The following MIS18A variants were observed in gnomAD, a reference collection of about 807,000 sequenced individuals.
MIS18A encodes the protein MIS18 kinetochore protein A, also known as protein Mis18-alpha.
In MIS18A, 14 loss-of-function variants were observed where a neutral mutation model predicts 25.0. That is an observed-to-expected ratio of 0.56 (90% confidence interval 0.37 to 0.88). The LOEUF (loss-of-function observed/expected upper bound fraction) is 0.88, where lower values mean the gene tolerates loss of function less well. Among genes scored for constraint, MIS18A ranks in the 40% least tolerant of loss-of-function variants. MIS18A has a pLI of 0.00. For missense variants in MIS18A, 292 were observed against 290.8 expected (o/e 1.00, Z -0.03); for synonymous variants, 134 against 118.6 (o/e 1.13, Z -0.84).
chr21:32,226,277 T>C, the MIS18A span, among the ~76,000 whole-genome samples: 3 of 111,512 alleles, frequency 2.7e-5, no homozygotes, highest in Non-Finnish European at 5.3e-5. Context: ...ACTTAAAGTA[T>C]AATAAAAAAA....
chr21:32,266,305 C>T (rs893673767), downstream of MIS18A, among the ~76,000 whole-genome samples: 15 of 152,298 alleles, frequency 9.8e-5, no homozygotes, highest in African/African-American at 1.7e-4. Context: ...CACCAATCAG[C>T]GCCCTGACAA....
At chr21:32,205,209 A>G in the MIS18A span, among the ~76,000 whole-genome samples, 2 of 128,400 alleles carry the variant, frequency 1.6e-5, no homozygotes, top group East Asian at 5.2e-4. Context: ...AGTTCACACC[A>G]CTCTCCTGCC....
At chr21:32,191,281 A>G in the MIS18A span, among the ~76,000 whole-genome samples, 1 of 152,122 alleles carries the variant, frequency 6.6e-6, no homozygotes, top group East Asian at 1.9e-4. Flanking sequence ...ATCCACCTCA[A>G]ATTTTCAGCA....
chr21:32,212,413 C>T, the MIS18A span, among the ~76,000 whole-genome samples: 1 of 152,166 alleles, frequency 6.6e-6, no homozygotes, highest in African/African-American at 2.4e-5. Flanking sequence ...CAAGGGTCTA[C>T]ATTTTATCCA....
chr21:32,246,155 G>A, the MIS18A span, among the ~76,000 whole-genome samples: 2 of 152,100 alleles, frequency 1.3e-5, no homozygotes, highest in African/African-American at 2.4e-5. Flanking sequence ...TGAGAAATCC[G>A]CCCCATCATC....
At chr21:32,221,723 C>CAAAAA in the MIS18A span, among the ~76,000 whole-genome samples, 1 of 108,696 alleles carries the variant, frequency 9.2e-6, no homozygotes, top group Non-Finnish European at 1.9e-5. Context: ...ACGAATAATA[C>CAAAAA]AAAAAAAAAA....
intron 2 of MIS18A, among the ~76,000 whole-genome samples, chr21:32,272,328 G>C (rs958241787): frequency 1.3e-5 from 2 of 152,226 alleles, no homozygotes; most frequent in Non-Finnish European, 2.9e-5. Context: ...TCAGCAGAAA[G>C]GCTCAGGCAG....
chr21:32,211,129 C>T, the MIS18A span, among the ~76,000 whole-genome samples: 637 of 152,290 alleles, frequency 4.2e-3, 8 homozygotes, highest in African/African-American at 0.015. Context: ...CAACATTTGC[C>T]TCCCGGGTTC....
chr21:32,278,992 C>G lies in MIS18A; in HGVS notation c.23G>C (p.Arg8Thr). Residue 8 changes from arginine (R) to threonine (T), a missense_variant, in exon 1 of 5, where the codon AGG (arginine) becomes ACG (threonine). By Grantham distance (71) the Arg-to-Thr change is moderately conservative (BLOSUM62 -1). Transcript: ENST00000290130. MAGVRSL[R>T]CSRGCAGGCE... is the part of the protein sequence containing the mutation. ...GCCGCCAGCGCATCCTCTGCTACAC[C>G]TCAGTGACCGAACGCCTGCCATTAC... 2 of 1,603,008 alleles carry G rather than the reference C, an allele frequency of 1.2e-6. No individual in the cohort carries two copies.
the MIS18A span, among the ~76,000 whole-genome samples, chr21:32,199,992 C>T: frequency 1.3e-5 from 2 of 152,128 alleles, no homozygotes; most frequent in Admixed American, 6.5e-5. Flanking sequence ...TGCAGCAAGG[C>T]GGGAATAGGG....
At chr21:32,172,593 CT>C in the MIS18A span, among the ~76,000 whole-genome samples, 63,989 of 146,212 alleles carry the variant, frequency 0.44, 13,927 homozygotes, top group East Asian at 0.59. Flanking sequence ...TTTTCCTTTC[CT>C]TTTTTTTTTT....
At chr21:32,185,485 C>T in the MIS18A span, among the ~76,000 whole-genome samples, 4 of 152,300 alleles carry the variant, frequency 2.6e-5, no homozygotes, top group African/African-American at 9.6e-5. Context: ...CAGGAGCCCC[C>T]TTCCCTGTCA....
the MIS18A span, among the ~76,000 whole-genome samples, chr21:32,235,525 G>C: frequency 0.023 from 3,468 of 152,212 alleles, 138 homozygotes; most frequent in African/African-American, 0.078. Context: ...GACTCTGGCA[G>C]CCACTACCAC....
At chr21:32,237,958 C>T in the MIS18A span, among the ~76,000 whole-genome samples, 7 of 152,106 alleles carry the variant, frequency 4.6e-5, no homozygotes, top group African/African-American at 1.7e-4. Flanking sequence ...CCCAGATGCT[C>T]TCCATCTTTC....
chr21:32,272,565 C>T (rs2031733039), intron 2 of MIS18A, among the ~76,000 whole-genome samples: 1 of 152,196 alleles, frequency 6.6e-6, no homozygotes, highest in South Asian at 2.1e-4. Flanking sequence ...CTCATAGTCG[C>T]AAATCTTTTA....
rs1209254338 is a variant in MIS18A, at chr21:32,269,072, C to T, written c.667G>A (p.Glu223Lys). Residue 223 changes from glutamate (E) to lysine (K), a missense_variant, in exon 5 of 5, where the codon GAA becomes AAA. Transcript: ENST00000290130. Reference sequence around the variant, plus strand: ...CAAGTGGCAAAGGACAATTTGGATTCGGCCTCCCACAGCTTCATTTGTAAT... The same window carrying T: ...CAAGTGGCAAAGGACAATTTGGATTTGGCCTCCCACAGCTTCATTTGTAAT... ...KALQMKLWEAESKLSFATCKS is the reference protein window; with the variant it reads ...KALQMKLWEAKSKLSFATCKS 1.9e-6 allele frequency: 3 copies of T among 1,604,714 alleles called. No individual in the cohort carries two copies. Among genetic ancestry groups the T allele is most frequent in the East Asian group, 2.2e-5 (1 of 44,798 alleles).
At chr21:32,241,572 C>T in the MIS18A span, among the ~76,000 whole-genome samples, 3 of 152,124 alleles carry the variant, frequency 2.0e-5, no homozygotes, top group African/African-American at 4.8e-5. Flanking sequence ...CCAGCTACCT[C>T]GGCCTTGTTG....
the MIS18A span, among the ~76,000 whole-genome samples, chr21:32,214,785 G>A: frequency 2.0e-5 from 3 of 152,310 alleles, no homozygotes; most frequent in Admixed American, 1.3e-4. Flanking sequence ...CCTGCAGCCC[G>A]GCCCTTGCCC....
At chr21:32,176,437 C>T in the MIS18A span, among the ~76,000 whole-genome samples, 6 of 152,090 alleles carry the variant, frequency 3.9e-5, no homozygotes, top group African/African-American at 1.4e-4. Context: ...TTATGTGGTG[C>T]ACAACTTTAG....
Sources: allele counts gnomAD v4.1 joint callset (sites outside exome capture counted in the v4.1 genomes callset), GRCh38; gene constraint gnomAD v4.1.1; transcripts MANE v1.5; gene names NCBI Gene and HGNC (gene_info 2026-07-23, HGNC 2026-07-21).